The following YPEL2 variants were observed in gnomAD, a reference collection of about 807,000 sequenced individuals.
The protein encoded by YPEL2 is yippee like 2, also known as protein yippee-like 2.
YPEL2 carries 2 observed loss-of-function variants against 19.1 expected under a neutral mutation model. The observed-to-expected ratio is 0.10, with a 90% CI of 0.04 to 0.33. The LOEUF is 0.33. Ranked by LOEUF, YPEL2 falls within the 10% of genes least tolerant of loss-of-function variation. The probability of loss-of-function intolerance (pLI) is 1.00; values close to 1 mark genes in which losing one functional copy is unlikely to be tolerated. For missense variants in YPEL2, 66 were observed against 140.7 expected, an observed-to-expected ratio of 0.47 and a Z score of 2.68; for synonymous variants, 52 against 50.0, an observed-to-expected ratio of 1.04 and a Z score of -0.17.
At chr17:59,393,728 C>T (rs1488537261) in intron 4 of YPEL2, among the ~76,000 whole-genome samples, 1 of 148,644 alleles carries the variant, frequency 6.7e-6, no homozygotes, top group Admixed American at 6.7e-5. Context: ...AACGAGCATG[C>T]TGCCTTCAAG....
intron 1 of YPEL2, among the ~76,000 whole-genome samples, chr17:59,349,173 CAAAAAAAAAAAAAA>C (rs57129006): frequency 1.7e-5 from 1 of 57,512 alleles, no homozygotes; most frequent in South Asian, 6.3e-4. Flanking sequence ...GACTCCGTCT[CAAAAAAAAAAAAAA>C]AAAAAAAAAA....
At chr17:59,376,834 A>AGCTGCTTG (rs1341632315) in intron 2 of YPEL2, among the ~76,000 whole-genome samples, 4 of 151,374 alleles carry the variant, frequency 2.6e-5, no homozygotes, top group African/African-American at 9.7e-5. Flanking sequence ...CTGTACTCCC[A>AGCTGCTTG]GCTGCTTGGG....
intron 1 of YPEL2, among the ~76,000 whole-genome samples, chr17:59,350,541 C>CT (rs2047782677): frequency 6.6e-6 from 1 of 152,114 alleles, no homozygotes; most frequent in South Asian, 2.1e-4. Flanking sequence ...AGATTTTTCT[C>CT]TTGTCTTTTT....
intron 1 of YPEL2, among the ~76,000 whole-genome samples, chr17:59,343,326 T>C (rs1360670123): frequency 1.3e-5 from 2 of 151,990 alleles, no homozygotes; most frequent in Non-Finnish European, 2.9e-5. Flanking sequence ...GGATTTCCAG[T>C]ATGCTGGAGC....
chr17:59,395,955 C>T lies in YPEL2; in HGVS notation c.271-1146C>T, dbSNP rs1447119190. On this transcript the variant is annotated intron_variant, in intron 4 of 4. Transcript: ENST00000312655. ...ATTTAGCTGGGCATGGTGGCAGGCT[C>T]CTGTAGTCCCAGCTACTCGGGAGGC... is the stretch of plus-strand genomic sequence containing the variant. Among the ~76,000 whole-genome samples the T allele has an allele frequency of 2.6e-5, 4 of 152,216 alleles. No homozygotes were observed. The East Asian group carries it at 7.7e-4, about 29-fold the overall frequency.
intron 1 of YPEL2, among the ~76,000 whole-genome samples, chr17:59,344,805 G>A (rs760666013): frequency 2.0e-5 from 3 of 152,156 alleles, no homozygotes; most frequent in East Asian, 1.9e-4. Context: ...GAGACTGCCC[G>A]TATTTTTGTT....
At chr17:59,376,949 CAAAAAAAAA>C (rs59030676) in intron 2 of YPEL2, among the ~76,000 whole-genome samples, 42 of 48,548 alleles carry the variant, frequency 8.7e-4, no homozygotes, top group African/African-American at 2.4e-3. Context: ...CACACTGTCT[CAAAAAAAAA>C]AAAAAAAAAA....
chr17:59,368,164 G>A (rs2047879866), intron 2 of YPEL2, among the ~76,000 whole-genome samples: 1 of 152,042 alleles, frequency 6.6e-6, no homozygotes, highest in South Asian at 2.1e-4. Context: ...ACTCACTGCA[G>A]CCACAACTTC....
intron 2 of YPEL2, among the ~76,000 whole-genome samples, chr17:59,379,226 T>G (rs1206549567): frequency 6.6e-6 from 1 of 152,210 alleles, no homozygotes; most frequent in Admixed American, 6.5e-5. Flanking sequence ...CCCTCTCACT[T>G]TCTCCGTATG....
chr17:59,336,311 T>G (rs1487346691), intron 1 of YPEL2, among the ~76,000 whole-genome samples: 2 of 152,212 alleles, frequency 1.3e-5, no homozygotes, highest in African/African-American at 4.8e-5. Flanking sequence ...CTCCAAAAGC[T>G]CCATTGTTAT....
At chr17:59,336,236 C>G (rs1462959641) in intron 1 of YPEL2, among the ~76,000 whole-genome samples, 6 of 152,204 alleles carry the variant, frequency 3.9e-5, no homozygotes, top group Non-Finnish European at 8.8e-5. Flanking sequence ...ATTACTTTCA[C>G]TTGCACTATT....
chr17:59,351,056 A>G (rs778223695), intron 1 of YPEL2, among the ~76,000 whole-genome samples: 14 of 152,132 alleles, frequency 9.2e-5, no homozygotes, highest in African/African-American at 3.1e-4. Flanking sequence ...TGTGCTGTCT[A>G]TCCTGAAATG....
chr17:59,381,095 A>G (rs2047946789), intron 2 of YPEL2, among the ~76,000 whole-genome samples: 1 of 152,204 alleles, frequency 6.6e-6, no homozygotes. Flanking sequence ...ACCCTAGGAA[A>G]TGGACATGGT....
At chr17:59,395,998 T>G (rs1372100235) in intron 4 of YPEL2, among the ~76,000 whole-genome samples, 2 of 152,214 alleles carry the variant, frequency 1.3e-5, no homozygotes, top group African/African-American at 2.4e-5. Context: ...GGAGAATGGC[T>G]TGAACCCGGG....
intron 1 of YPEL2, among the ~76,000 whole-genome samples, chr17:59,336,667 C>T (rs1246887372): frequency 6.6e-6 from 1 of 152,198 alleles, no homozygotes; most frequent in East Asian, 1.9e-4. Context: ...TCAGTGCTAG[C>T]TATTAATAAC....
At chr17:59,382,142 A>G (rs144355640) in intron 2 of YPEL2, among the ~76,000 whole-genome samples, 9 of 152,366 alleles carry the variant, frequency 5.9e-5, no homozygotes, top group Admixed American at 2.6e-4. Context: ...CTCTGCCTCA[A>G]AAAACACAGC....
intron 2 of YPEL2, among the ~76,000 whole-genome samples, chr17:59,373,125 C>G (rs2047904725): frequency 1.3e-5 from 2 of 152,190 alleles, no homozygotes; most frequent in South Asian, 4.1e-4. Context: ...CCTCAGCCTC[C>G]CAAAGTGCTG....
chr17:59,394,068 T>C (rs1038841214), intron 4 of YPEL2, among the ~76,000 whole-genome samples: 3 of 145,784 alleles, frequency 2.1e-5, no homozygotes, highest in South Asian at 4.6e-4. Context: ...CAGAGGGGCT[T>C]CTCACTTCCC....
intron 2 of YPEL2, among the ~76,000 whole-genome samples, chr17:59,371,845 A>G (rs919382860): frequency 6.6e-6 from 1 of 152,160 alleles, no homozygotes; most frequent in Admixed American, 6.5e-5. Context: ...TAAAGTGATA[A>G]ATGTGCTTAA....
Sources: gnomAD v4.1 joint callset for allele counts (sites outside exome capture counted in the v4.1 genomes callset) on GRCh38, gnomAD v4.1.1 for gene constraint, MANE v1.5 for transcripts, NCBI Gene and HGNC (gene_info 2026-07-23, HGNC 2026-07-21) for gene names.